ABCC3: variants seen among roughly 807,000 people sequenced by gnomAD.
ABCC3 encodes the protein ATP-binding cassette sub-family C member 3.
In ABCC3, 121 loss-of-function variants were observed where a neutral mutation model predicts 165.3. The observed-to-expected ratio is 0.73, with a 90% confidence interval of 0.63 to 0.85. ABCC3 has a LOEUF of 0.85. ABCC3 is among the 40% of genes least tolerant of loss of function. ABCC3 has a pLI of 0.00. For missense variants in ABCC3, 1,869 were observed against 1,964.1 expected (o/e 0.95, Z 0.92); for synonymous variants, 733 against 810.1 (o/e 0.90, Z 1.62).
At chr17:50,636,495 A>G (rs1055198319) in intron 1 of ABCC3, among the ~76,000 whole-genome samples, 3 of 152,158 alleles carry the variant, frequency 2.0e-5, no homozygotes, top group African/African-American at 7.2e-5. Context: ...CAGGAACTTC[A>G]TGTATTATTC....
At position 50,675,876 on chromosome 17, in the gene ABCC3, C is replaced by T. The variant is rs1328611952; in HGVS notation, c.2860-7C>T. ...CTGTCCCTGACTGCCATGGCTGCTC[C>T]CTACAGGTGGAGCTCAGTGTGTTCT... On this transcript the variant is annotated splice_polypyrimidine_tract_variant and splice_region_variant and intron_variant, in intron 21 of 30. Transcript: ENST00000285238. 1 of 1,614,022 alleles carries T rather than the reference C, an allele frequency of 6.2e-7. No individual in the cohort carries two copies. Among genetic ancestry groups the T allele is most frequent in the Admixed American group, 1.7e-5 (1 of 60,004 alleles).
intron 1 of ABCC3, chr17:50,635,399 C>T: frequency 1.5e-6 from 1 of 683,316 alleles, no homozygotes. Context: ...GACTCGGTTG[C>T]CCACCTGGGC....
At chr17:50,669,587 A>G (rs1967602386) in intron 17 of ABCC3, 59 bp downstream of exon 17, 1 of 1,564,824 alleles carries the variant, frequency 6.4e-7, no homozygotes, top group South Asian at 1.1e-5. Context: ...ACCTCAACCC[A>G]GCCCAGGTCC....
At position 50,658,610 on chromosome 17, in the gene ABCC3, C is replaced by A. The variant is rs543596926; in HGVS notation, c.674+114C>A. On this transcript the variant is annotated intron_variant, in intron 6 of 30. Coordinates refer to ENST00000285238, the MANE Select transcript of ABCC3 (RefSeq NM_003786.4). ...ACCGGGCTGGCCACCTATCCCACCCCCCACCGCAGTGGGCACAGGGCAGAT... is the reference window on the plus strand; with the variant it reads ...ACCGGGCTGGCCACCTATCCCACCCACCACCGCAGTGGGCACAGGGCAGAT... 35 of 1,171,958 alleles carry A rather than the reference C, an allele frequency of 3.0e-5. No homozygotes were observed. In the East Asian group the frequency reaches 8.0e-4, roughly 27 times the overall value. The allele number at this position is 1,171,958 out of a possible 1,614,324, so 72.6% of individuals were successfully genotyped here. A position where few individuals can be genotyped will look rare whatever the true frequency, so the allele number is the denominator to read the frequency against.
chr17:50,656,856 G>A (rs754486513), intron 3 of ABCC3, 29 bp downstream of exon 3: 1 of 1,587,704 alleles, frequency 6.3e-7, no homozygotes, highest in African/African-American at 1.4e-5. Context: ...GAAAGTGGAT[G>A]GGGGAGGTCT....
intron 1 of ABCC3, chr17:50,643,787 T>C: frequency 2.8e-6 from 1 of 361,252 alleles, no homozygotes; most frequent in Non-Finnish European, 5.6e-6. Context: ...AGATTTAGGA[T>C]GAAGTGAGTT....
Position 50,634,966 on chromosome 17 carries a change from C to T in ABCC3, c.30C>T (p.Leu10=). 1 of 1,260,310 alleles carries T rather than the reference C, an allele frequency of 7.9e-7. No individual in the cohort carries two copies. 78.1% of individuals were successfully genotyped at this position (1,260,310 alleles called of 1,614,324 possible). A position where few individuals can be genotyped will look rare whatever the true frequency, so the allele number is the denominator to read the frequency against. Residue 10 remains leucine, a synonymous_variant, in exon 1 of 31, where the codon CTC becomes CTT. Transcript: ENST00000285238. MDALCGSGE[L]GSKFWDSNLS... is the part of the protein sequence containing the mutation. Reference sequence around the variant, plus strand: ...ACGCCCTGTGCGGTTCCGGGGAGCTCGGCTCCAAGTTCTGGGTAAGGCGCG... The same window carrying T: ...ACGCCCTGTGCGGTTCCGGGGAGCTTGGCTCCAAGTTCTGGGTAAGGCGCG...
chr17:50,689,726 C>G (rs546168614), intron 30 of ABCC3, among the ~76,000 whole-genome samples: 9 of 152,244 alleles, frequency 5.9e-5, no homozygotes, highest in Admixed American at 2.6e-4. Flanking sequence ...CCTCACCCCC[C>G]ACTCCCATTT....
chr17:50,683,782 G>C (rs934932591), intron 27 of ABCC3, 26 bp downstream of exon 27: 1 of 1,594,492 alleles, frequency 6.3e-7, no homozygotes, highest in Non-Finnish European at 8.5e-7. Flanking sequence ...GCGGGCCTGC[G>C]TGTGTGTTCA....
In ABCC3 at chr17:50,676,385, T is replaced by C. The variant is rs776014498; in HGVS notation, c.3175T>C (p.Phe1059Leu). 5 of 1,614,174 alleles carry C rather than the reference T, an allele frequency of 3.1e-6. No individual in the cohort carries two copies. The highest frequency in any genetic ancestry group is 4.2e-6 in the Non-Finnish European group (5 of 1,180,018). ...CAACAAGATACGCTCGCCACAGTCCTTCTTTGACACCACACCATCAGGCCG... is the reference window on the plus strand; with the variant it reads ...CAACAAGATACGCTCGCCACAGTCCCTCTTTGACACCACACCATCAGGCCG... ...LHNKIRSPQSFFDTTPSGRIL... is the reference protein window; with the variant it reads ...LHNKIRSPQSLFDTTPSGRIL... The change falls in exon 23 of 31, where the codon TTC becomes CTC. Residue 1059 changes from phenylalanine (F) to leucine (L), a missense_variant. By Grantham distance (22) the Phe-to-Leu change is conservative (BLOSUM62 0). Transcript: ENST00000285238.
intron 11 of ABCC3, 26 bp from the exon 12 acceptor site, chr17:50,667,528 C>T: frequency 1.3e-6 from 2 of 1,589,232 alleles, no homozygotes; most frequent in Non-Finnish European, 1.7e-6. Context: ...GCAGGTGTGC[C>T]ACTGACACTC....
At position 50,668,926 on chromosome 17, in the gene ABCC3, G is replaced by C. The variant is rs924485796; in HGVS notation, c.1937+7G>C. The C allele has an allele frequency of 1.2e-6, 2 of 1,613,924 alleles. No individual in the cohort carries two copies. Among genetic ancestry groups the C allele is most frequent in the East Asian group, 4.5e-5 (2 of 44,876 alleles). On this transcript the variant is annotated splice_region_variant and intron_variant, in intron 15 of 30. Coordinates refer to ENST00000285238, the MANE Select transcript of ABCC3 (RefSeq NM_003786.4). ...TGCCCCCCACTCTGCACAGGTACCA[G>C]CTTCTCCCACTCCCTTCCCAGCTGC...
intron 1 of ABCC3, among the ~76,000 whole-genome samples, chr17:50,648,253 A>T (rs1967041915): frequency 6.6e-6 from 1 of 152,210 alleles, no homozygotes; most frequent in Admixed American, 6.5e-5. Context: ...GTGATCACTG[A>T]CACAGCAGAG....
In ABCC3 at chr17:50,656,752, C is replaced by T; in HGVS notation, c.273C>T (p.Ser91=). 1 of 1,614,016 alleles carries T rather than the reference C, an allele frequency of 6.2e-7. No homozygotes were observed. Among genetic ancestry groups the T allele is most frequent in the South Asian group, 1.1e-5 (1 of 91,066 alleles). ...WCVSWADLFY[S]FHGLVHGRAP... ...TCTCCTGGGCGGACCTTTTTTACTC[C>T]TTCCATGGCCTGGTCCATGGCCGGG... Residue 91 remains serine (S), a synonymous_variant, in exon 3 of 31, where the codon TCC becomes TCT. Transcript: ENST00000285238.
At chr17:50,635,570 G>A (rs1415489296) in intron 1 of ABCC3, 2 of 702,622 alleles carry the variant, frequency 2.8e-6, no homozygotes, top group Non-Finnish European at 5.2e-6. Context: ...TCCGGACTCA[G>A]AAGGGAGAAG....
In ABCC3 at chr17:50,648,082, A is replaced by G. The variant is rs144548329; in HGVS notation, c.46-7750A>G. Reference sequence around the variant, plus strand: ...TAGTTGGAAGGACTTCTGGTTCTATAGGGTGGATTGAACACAAGACTTTAT... The same window carrying G: ...TAGTTGGAAGGACTTCTGGTTCTATGGGGTGGATTGAACACAAGACTTTAT... On this transcript the variant is annotated intron_variant, in intron 1 of 30. Transcript: ENST00000285238. Among the ~76,000 whole-genome samples the G allele has an allele frequency of 9.6e-3, 1,466 of 152,258 alleles. 65 individuals carry two copies. The highest frequency in any genetic ancestry group is 0.074 in the Admixed American group (1,134 of 15,296).
chr17:50,658,433 A>T lies in ABCC3; in HGVS notation c.613-2A>T. 6.2e-7 allele frequency: 1 copy of T among 1,613,904 alleles called. No homozygotes were observed. Among genetic ancestry groups the T allele is most frequent in the Non-Finnish European group, 8.5e-7 (1 of 1,179,764 alleles). On this transcript the variant is annotated splice_acceptor_variant, in intron 5 of 30. Coordinates refer to ENST00000285238, the MANE Select transcript of ABCC3 (RefSeq NM_003786.4). LOFTEE classifies it high-confidence loss of function. The stretch of plus-strand genomic sequence containing the variant: ...CCCCCGTCCTATTCTCTCGCCTTCT[A>T]GAACCCCTACCCTGAGACCAGCGCT...
Position 50,679,651 on chromosome 17 carries a change from C to G in ABCC3, c.3706-147C>G. The G allele has an allele frequency of 6.0e-6, 4 of 663,660 alleles. No individual in the cohort carries two copies. The South Asian group carries it at 7.6e-5, about 13-fold the overall frequency. 41.1% of individuals were successfully genotyped at this position (663,660 alleles called of 1,614,324 possible). ...CGTGATTACAGCCCCAGCTGGCATG[C>G]CTGTGGGCTTGATCCAGGCCCACCT... On this transcript the variant is annotated intron_variant, in intron 25 of 30. Coordinates refer to ENST00000285238, the MANE Select transcript of ABCC3 (RefSeq NM_003786.4).
chr17:50,691,957 G>C lies in ABCC3; in HGVS notation c.*757G>C, dbSNP rs564332132. 6.6e-6 allele frequency: 1 copy of C among 152,254 alleles called. No individual in the cohort carries two copies. The highest frequency in any genetic ancestry group is 1.5e-5 in the Non-Finnish European group (1 of 68,076). The allele number at this position is 152,254 out of a possible 1,614,324, so 9.4% of individuals were successfully genotyped here. ...ATCTGACCTGGGGCCTCTTGGGAAA[G>C]CTGCTGTGAACACCTCCACGTTAAT... On this transcript the variant is annotated 3_prime_UTR_variant, in exon 31 of 31. Transcript: ENST00000285238.
Sources: allele counts gnomAD v4.1 joint callset (sites outside exome capture counted in the v4.1 genomes callset), GRCh38; gene constraint gnomAD v4.1.1; transcripts MANE v1.5; gene names NCBI Gene and HGNC (gene_info 2026-07-23, HGNC 2026-07-21).